Variants in PNLDC1 observed in about 807,000 individuals in gnomAD.
PNLDC1 encodes PARN like ribonuclease domain containing exonuclease 1.
PNLDC1 carries 70 observed loss-of-function variants against 82.0 expected under a neutral mutation model. The ratio of observed to expected loss-of-function variants is 0.85; its 90% confidence interval spans 0.70 to 1.04. The LOEUF (loss-of-function observed/expected upper bound fraction) is 1.04. Among genes scored for constraint, PNLDC1 ranks in the 50% least tolerant of loss-of-function variants. PNLDC1 has a pLI of 0.00. For synonymous variants in PNLDC1, 280 were observed against 249.3 expected, an observed-to-expected ratio of 1.12 and a Z score of -1.16; for missense variants, 631 against 661.1, an observed-to-expected ratio of 0.95 and a Z score of 0.50.
chr6:159,817,269 G>A (rs552127710), intron 15 of PNLDC1, 118 bp downstream of exon 15: 2 of 951,358 alleles, frequency 2.1e-6, no homozygotes, highest in Non-Finnish European at 3.4e-6. Context: ...AGAATGTGAG[G>A]TGTCACTGGT....
intron 14 of PNLDC1, 107 bp downstream of exon 14, chr6:159,816,703 G>T: frequency 1.0e-6 from 1 of 987,838 alleles, no homozygotes; most frequent in Non-Finnish European, 1.6e-6. Flanking sequence ...GAGGATCTCG[G>T]CTCACTGCAG....
At chr6:159,809,496 G>T (rs1156449072) in intron 9 of PNLDC1, among the ~76,000 whole-genome samples, 2 of 146,534 alleles carry the variant, frequency 1.4e-5, no homozygotes, top group Non-Finnish European at 3.0e-5. Flanking sequence ...ATCTCGCAGT[G>T]TTGCCCAGAG....
At position 159,800,278 on chromosome 6, in the gene PNLDC1, C is replaced by T. The variant is rs1562493983; in HGVS notation, c.-30C>T. Reference sequence around the variant, plus strand: ...GCAGCACGTGGGCAGCACGTGATAGCGCTGGGCGACTCCGCGGAGCTGCAC... The same window carrying T: ...GCAGCACGTGGGCAGCACGTGATAGTGCTGGGCGACTCCGCGGAGCTGCAC... On this transcript the variant is annotated 5_prime_UTR_variant, in exon 1 of 19. Coordinates refer to ENST00000392167, the MANE Select transcript of PNLDC1 (RefSeq NM_001271862.2). 5 of 1,537,632 alleles carry T rather than the reference C, an allele frequency of 3.3e-6. No individual in the cohort carries two copies. Among genetic ancestry groups the T allele is most frequent in the Admixed American group, 4.0e-5 (2 of 50,530 alleles).
intron 10 of PNLDC1, among the ~76,000 whole-genome samples, chr6:159,811,228 G>A (rs1296560112): frequency 6.6e-6 from 1 of 152,174 alleles, no homozygotes; most frequent in Non-Finnish European, 1.5e-5. Context: ...TGTGTGTTTT[G>A]CAATAAACCT....
rs150098132 is a variant in PNLDC1, at chr6:159,819,259, G to A, written c.1439G>A (p.Arg480Gln). ...CAGCAAACTTGTTTTGGCAGTGCGC[G>A]GAACATCCTGAAGGAGTACCGGGAC... is the stretch of plus-strand genomic sequence containing the variant. ...LLLTNKFKDA[R>Q]NILKEYRDHP... is the part of the protein sequence containing the mutation. Residue 480 changes from arginine to glutamine, a missense_variant, in exon 18 of 19, where the codon CGG becomes CAG. Transcript: ENST00000392167. The surrounding 1 kb of genome is among the most constrained non-coding windows in gnomAD (Gnocchi z 4.6). The A allele has an allele frequency of 2.5e-4, 405 of 1,613,652 alleles. 1 individual carries two copies. The highest frequency in any genetic ancestry group is 3.1e-4 in the Non-Finnish European group (370 of 1,179,990).
At chr6:159,805,735 TC>T in intron 6 of PNLDC1, 1 of 467,806 alleles carries the variant, frequency 2.1e-6, no homozygotes. Context: ...CCTCCATACA[TC>T]CTAGTGAAGC....
chr6:159,820,012 G>A lies in PNLDC1; in HGVS notation c.1533-442G>A, dbSNP rs1239717894. On this transcript the variant is annotated intron_variant, in intron 18 of 18. Transcript: ENST00000392167. ...GGGTAGACTGTGGAGGCGAGACGCT[G>A]TGAGAGCAGTCAGGAAGGAGATGCT... Among the ~76,000 whole-genome samples, 3 of 152,178 alleles carry A rather than the reference G, an allele frequency of 2.0e-5. No individual in the cohort carries two copies. In the East Asian group the frequency reaches 5.8e-4, roughly 29 times the overall value.
Position 159,813,648 on chromosome 6 carries a change from C to T in PNLDC1, c.987C>T (p.Val329=), listed in dbSNP as rs1360686678. The part of the protein sequence containing the change: ...RVSNLSEVYE[V]LNSDLNPTKN... ...CGAATCTTTCGGAAGTCTATGAAGT[C>T]CTGAACAGGTGAGGACGGCGATTCC... The change falls in exon 12 of 19, where the codon GTC becomes GTT. Residue 329 remains valine (V), a synonymous_variant. Transcript: ENST00000392167. 1.9e-6 allele frequency: 3 copies of T among 1,613,690 alleles called. No individual in the cohort carries two copies. The highest frequency in any genetic ancestry group is 2.5e-6 in the Non-Finnish European group (3 of 1,179,762).
chr6:159,819,155 C>G lies in PNLDC1; in HGVS notation c.1433+34C>G, dbSNP rs371171405. The G allele has an allele frequency of 2.4e-5, 39 of 1,610,492 alleles. No homozygotes were observed. The African/African-American group carries it at 2.7e-4, about 11-fold the overall frequency. On this transcript the variant is annotated intron_variant, in intron 17 of 18. Transcript: ENST00000392167. This position sits in a 1 kb window ranked among gnomAD's most constrained non-coding sequence, Gnocchi z 4.6. ...CTCTAAGTCCGCGTCCCCCACCCCT[C>G]GTGCGTTCATCCCTGTATCTCTCTG...
chr6:159,815,902 G>A, intron 12 of PNLDC1, 67 bp from the exon 13 acceptor site: 2 of 1,236,012 alleles, frequency 1.6e-6, no homozygotes, highest in South Asian at 2.4e-5. Context: ...TTAAGGGACT[G>A]AGGGGGAATA....
In PNLDC1 at chr6:159,808,783, C is replaced by T. The variant is rs889600090; in HGVS notation, c.606C>T (p.Leu202=). Residue 202 remains leucine, a synonymous_variant, in exon 8 of 19, where the codon CTC becomes CTT. Transcript: ENST00000392167. ...FEVQLVLRQA[L]PNIWTVLKDE... is the part of the protein sequence containing the mutation. ...TCCAACTGGTGCTGAGGCAGGCCCT[C>T]CCCAACATCTGGACGGTGCTGAAAG... 1 of 1,614,062 alleles carries T rather than the reference C, an allele frequency of 6.2e-7. No homozygotes were observed.
In PNLDC1 at chr6:159,813,937, C is replaced by T. The variant is rs745378614; in HGVS notation, c.995+281C>T. 3.2e-4 allele frequency among the ~76,000 whole-genome samples: 48 copies of T among 152,294 alleles called. 2 individuals carry two copies. Among genetic ancestry groups the T allele is most frequent in the Middle Eastern group, 6.8e-3 (2 of 294 alleles). On this transcript the variant is annotated intron_variant, in intron 12 of 18. Transcript: ENST00000392167. ...CTTTTTCATTGTCTCGCCCCTGTCA[C>T]CAGCAAATGGAGCACCTTCCCTGTG...
At chr6:159,816,071 C>T in intron 13 of PNLDC1, 38 bp downstream of exon 13, 1 of 1,569,018 alleles carries the variant, frequency 6.4e-7, no homozygotes, top group Non-Finnish European at 8.7e-7. Context: ...GCACAGTCGG[C>T]AGAGTGCTGA....
In PNLDC1 at chr6:159,809,046, G is replaced by A. The variant is rs750811678; in HGVS notation, c.671G>A (p.Arg224His). 6.2e-7 allele frequency: 1 copy of A among 1,613,592 alleles called. No individual in the cohort carries two copies. The highest frequency in any genetic ancestry group is 1.3e-5 in the African/African-American group (1 of 74,972). Residue 224 changes from arginine (R) to histidine (H), a missense_variant, in exon 9 of 19, where the codon CGT (arginine) becomes CAT (histidine). Coordinates refer to ENST00000392167, the MANE Select transcript of PNLDC1 (RefSeq NM_001271862.2). ...GTGAAGAAAGTGAGTAAACAACATC[G>A]TTGGTATCTTCAGAACACCTCTTGT... ...VVVKKVSKQH[R>H]WYLQNTSCDR...
intron 2 of PNLDC1, 75 bp downstream of exon 2, chr6:159,800,904 G>A (rs1781225696): frequency 8.7e-6 from 14 of 1,602,750 alleles, no homozygotes; most frequent in Non-Finnish European, 1.2e-5. Context: ...CAGCCTGTTG[G>A]CATTTGGGGG....
intron 8 of PNLDC1, 56 bp from the exon 9 acceptor site, chr6:159,808,959 C>G: frequency 6.2e-7 from 1 of 1,601,542 alleles, no homozygotes; most frequent in Non-Finnish European, 8.5e-7. Context: ...AGAGCCATTT[C>G]TTTAGGCCTC....
chr6:159,819,411 A>T lies in PNLDC1; in HGVS notation c.1532+59A>T. ...GGGGTCCTGGAGTGCCCGGGGTCCCAGCATCCCAGCATGGTCTGACTCGAG... is the reference window on the plus strand; with the variant it reads ...GGGGTCCTGGAGTGCCCGGGGTCCCTGCATCCCAGCATGGTCTGACTCGAG... On this transcript the variant is annotated intron_variant, in intron 18 of 18. Transcript: ENST00000392167. This position sits in a 1 kb window ranked among gnomAD's most constrained non-coding sequence, Gnocchi z 4.6. 3 of 1,439,014 alleles carry T rather than the reference A, an allele frequency of 2.1e-6. No homozygotes were observed. The highest frequency in any genetic ancestry group is 2.4e-5 in the South Asian group (2 of 84,312). 89.1% of individuals were successfully genotyped at this position (1,439,014 alleles called of 1,614,324 possible). A position where few individuals can be genotyped will look rare whatever the true frequency, so the allele number is the denominator to read the frequency against.
chr6:159,809,087 TGGAA>T lies in PNLDC1; in HGVS notation c.717_720del (p.Glu240IlefsTer17), dbSNP rs1245953693. 4.3e-6 allele frequency: 7 copies of T among 1,614,168 alleles called. No homozygotes were observed. The highest frequency in any genetic ancestry group is 4.2e-6 in the Non-Finnish European group (5 of 1,180,028). On this transcript the variant is annotated frameshift_variant, in exon 9 of 19. Transcript: ENST00000392167. LOFTEE classifies it high-confidence loss of function. ...CACCTCTTGTGACCGAGAGAGCTGTTGGAAGGAAAATATTCTTCTCTCAGCAAGG... is the reference window on the plus strand; with the variant it reads ...CACCTCTTGTGACCGAGAGAGCTGTTGGAAAATATTCTTCTCTCAGCAAGG...
intron 7 of PNLDC1, 94 bp downstream of exon 7, chr6:159,806,177 C>G: frequency 1.0e-6 from 1 of 966,026 alleles, no homozygotes; most frequent in Middle Eastern, 2.7e-4. Context: ...TCTTGGGATC[C>G]TGGTCCCAAG....
Sources: gnomAD v4.1 joint callset for allele counts (sites outside exome capture counted in the v4.1 genomes callset) on GRCh38, gnomAD v4.1.1 for gene constraint, Gnocchi (gnomAD v3.1) non-coding constraint, MANE v1.5 for transcripts, NCBI Gene and HGNC (gene_info 2026-07-23, HGNC 2026-07-21) for gene names.